The following ATF6 variants were observed in gnomAD, a reference collection of about 807,000 sequenced individuals.
The protein encoded by ATF6 is activating transcription factor 6.
Under a neutral mutation model 83.6 loss-of-function variants are expected in ATF6, and 53 were observed. That is an observed-to-expected ratio of 0.63 (90% CI 0.51 to 0.80). The LOEUF is 0.80. Among genes scored for constraint, ATF6 ranks in the 30% least tolerant of loss-of-function variants. The probability of loss-of-function intolerance (pLI) is 0.00; values close to 1 mark genes in which losing one functional copy is unlikely to be tolerated. For synonymous variants in ATF6, 288 were observed against 285.8 expected (o/e 1.01, Z -0.08); for missense variants, 744 against 797.9 (o/e 0.93, Z 0.81).
chr1:161,953,155 T>C (rs1245802183), intron 15 of ATF6, among the ~76,000 whole-genome samples: 1 of 152,226 alleles, frequency 6.6e-6, no homozygotes, highest in Admixed American at 6.5e-5. Flanking sequence ...ATTTAGGGTA[T>C]ATTAAACTCA....
At chr1:161,931,651 A>G (rs552257442) in intron 15 of ATF6, among the ~76,000 whole-genome samples, 1 of 152,234 alleles carries the variant, frequency 6.6e-6, no homozygotes, top group African/African-American at 2.4e-5. Context: ...GCATCTTTTT[A>G]TGTGTTACTG....
rs189775459 is a variant in ATF6 at position 161,802,105 on chromosome 1, G to A, written c.742G>A (p.Val248Ile). 103 of 1,614,120 alleles carry A rather than the reference G, an allele frequency of 6.4e-5. No individual in the cohort carries two copies. The highest frequency in any genetic ancestry group is 5.8e-4 in the Admixed American group (35 of 59,978). Reference protein sequence around the residue: ...PTVVQLQAPGVLPSAQPVLAV... With the variant: ...PTVVQLQAPGILPSAQPVLAV... ...TGTGGTACAACTTCAAGCACCTGGA[G>A]TTCTGCCCTCTGCTCAGCCAGTCCT... Residue 248 changes from valine (V) to isoleucine (I), a missense_variant, in exon 7 of 16, where the codon GTT becomes ATT. Coordinates refer to ENST00000367942, the MANE Select transcript of ATF6 (RefSeq NM_007348.4).
intron 5 of ATF6, 73 bp downstream of exon 5, chr1:161,791,610 TG>T: frequency 6.8e-7 from 1 of 1,481,252 alleles, no homozygotes; most frequent in African/African-American, 1.4e-5. Context: ...TAAAAGAAAA[TG>T]CTGGATTAAA....
At chr1:161,806,125 G>GA (rs1415636733) in intron 7 of ATF6, among the ~76,000 whole-genome samples, 1 of 152,118 alleles carries the variant, frequency 6.6e-6, no homozygotes, top group Non-Finnish European at 1.5e-5. Flanking sequence ...GATCCTGATG[G>GA]AAAAAATGAA....
chr1:161,919,279 T>C (rs1437705264), intron 15 of ATF6, among the ~76,000 whole-genome samples: 2 of 152,194 alleles, frequency 1.3e-5, no homozygotes, highest in Non-Finnish European at 2.9e-5. Context: ...AAAAGGCTTT[T>C]TTAAAAAAGG....
chr1:161,963,794 T>G lies in ATF6; in HGVS notation c.*5140T>G, dbSNP rs1343196068. 6.6e-6 allele frequency: 1 copy of G among 152,166 alleles called. No homozygotes were observed. The highest frequency in any genetic ancestry group is 1.5e-5 in the Non-Finnish European group (1 of 68,038). 9.4% of individuals were successfully genotyped at this position (152,166 alleles called of 1,614,324 possible). ...TTACCACTTTGGCAAGTATGGATGG[T>G]CTAAGTCCAGTAGGGCTTCATCCAT... On this transcript the variant is annotated 3_prime_UTR_variant, in exon 16 of 16. Transcript: ENST00000367942.
At chr1:161,778,892 G>C (rs1427241735) in intron 2 of ATF6, among the ~76,000 whole-genome samples, 1 of 152,026 alleles carries the variant, frequency 6.6e-6, no homozygotes, top group Non-Finnish European at 1.5e-5. Context: ...ATAGAACTTT[G>C]ATTTTGTCTT....
chr1:161,810,236 G>A (rs911449261), intron 7 of ATF6, among the ~76,000 whole-genome samples: 2 of 152,176 alleles, frequency 1.3e-5, no homozygotes, highest in Non-Finnish European at 2.9e-5. Flanking sequence ...AGGCTGTACA[G>A]GAAACATGGC....
chr1:161,949,699 A>T (rs981152424), intron 15 of ATF6, among the ~76,000 whole-genome samples: 4 of 152,176 alleles, frequency 2.6e-5, no homozygotes, highest in Non-Finnish European at 4.4e-5. Flanking sequence ...CAAGAGAAAG[A>T]GGGAAGATGC....
intron 7 of ATF6, among the ~76,000 whole-genome samples, chr1:161,812,503 C>A (rs929217582): frequency 6.8e-6 from 1 of 146,482 alleles, no homozygotes; most frequent in African/African-American, 2.5e-5. Context: ...CGCCATTCTC[C>A]TGCCTCAGCC....
chr1:161,784,562 G>A (rs1684704216), intron 4 of ATF6, among the ~76,000 whole-genome samples: 1 of 152,112 alleles, frequency 6.6e-6, no homozygotes. Flanking sequence ...AAGTCTGGTA[G>A]CTCTTTTAAG....
chr1:161,814,127 G>A (rs370686631), intron 7 of ATF6, among the ~76,000 whole-genome samples: 2 of 152,034 alleles, frequency 1.3e-5, no homozygotes, highest in Non-Finnish European at 2.9e-5. Flanking sequence ...CAGGTGATCC[G>A]CCCGCCTTGG....
chr1:161,915,575 A>T (rs575808804), intron 15 of ATF6, among the ~76,000 whole-genome samples: 1 of 151,948 alleles, frequency 6.6e-6, no homozygotes, highest in Non-Finnish European at 1.5e-5. Flanking sequence ...TTCGTCTTTT[A>T]TACAGTTTCT....
chr1:161,899,106 A>G (rs77461721), intron 14 of ATF6, among the ~76,000 whole-genome samples: 1 of 152,220 alleles, frequency 6.6e-6, no homozygotes, highest in African/African-American at 2.4e-5. Context: ...ATGTTGAGAC[A>G]TCTACAAATC....
intron 14 of ATF6, among the ~76,000 whole-genome samples, chr1:161,867,065 C>A (rs956946503): frequency 6.6e-6 from 1 of 152,104 alleles, no homozygotes; most frequent in South Asian, 2.1e-4. Context: ...GAGGCCGAGG[C>A]GGGTGGATCA....
chr1:161,952,295 G>A (rs941783127), intron 15 of ATF6, among the ~76,000 whole-genome samples: 8 of 151,826 alleles, frequency 5.3e-5, no homozygotes, highest in African/African-American at 1.9e-4. Flanking sequence ...ATGTCCTCCT[G>A]GAAACTCAGA....
intron 9 of ATF6, chr1:161,840,000 T>C (rs1036161109): frequency 3.3e-5 from 5 of 152,100 alleles, no homozygotes; most frequent in African/African-American, 1.2e-4. Context: ...TGAGCAGAGG[T>C]GACATAATAA....
chr1:161,883,924 A>G lies in ATF6; in HGVS notation c.1719+20612A>G, dbSNP rs575685004. On this transcript the variant is annotated intron_variant, in intron 14 of 15. Transcript: ENST00000367942. The stretch of plus-strand genomic sequence containing the variant: ...AGTTCAGGTCTATTCTGATGAAGCA[A>G]TGTCACTTAGGTCTGAGGCTTTTGG... Among the ~76,000 whole-genome samples the G allele has an allele frequency of 7.5e-4, 114 of 152,168 alleles. 1 individual carries two copies. Among genetic ancestry groups the G allele is most frequent in the Admixed American group, 1.6e-3 (25 of 15,298 alleles).
At chr1:161,927,554 A>G (rs1470856576) in intron 15 of ATF6, among the ~76,000 whole-genome samples, 3 of 152,136 alleles carry the variant, frequency 2.0e-5, no homozygotes, top group South Asian at 4.1e-4. Context: ...CAAGACATAA[A>G]TGTGTTAGAA....
Sources: gnomAD v4.1 joint callset for allele counts (sites outside exome capture counted in the v4.1 genomes callset) on GRCh38, gnomAD v4.1.1 for gene constraint, MANE v1.5 for transcripts, NCBI Gene and HGNC (gene_info 2026-07-23, HGNC 2026-07-21) for gene names.